The following RHBG variants were observed in gnomAD, a reference collection of about 807,000 sequenced individuals.
RHBG encodes ammonium transporter Rh type B.
RHBG carries 39 observed loss-of-function variants against 40.1 expected under a neutral mutation model. That is an observed-to-expected ratio of 0.97 (90% CI 0.75 to 1.27). The LOEUF (loss-of-function observed/expected upper bound fraction) is 1.27, where lower values mean the gene tolerates loss of function less well. Ranked by LOEUF, RHBG falls within the 50% of genes most tolerant of loss-of-function variation. The probability of loss-of-function intolerance (pLI) is 0.00; values close to 1 mark genes in which losing one functional copy is unlikely to be tolerated. For missense variants in RHBG, 549 were observed against 588.1 expected (o/e 0.93, Z 0.69); for synonymous variants, 237 against 252.5 (o/e 0.94, Z 0.58).
chr1:156,381,732 CTGTGG>C, intron 5 of RHBG, 69 bp from the exon 6 acceptor site: 1 of 1,521,908 alleles, frequency 6.6e-7, no homozygotes, highest in South Asian at 1.3e-5. Flanking sequence ...GTAGGTGTCA[CTGTGG>C]TGTGTAGGGT....
At chr1:156,379,777 G>A (rs1667489643) in intron 4 of RHBG, among the ~76,000 whole-genome samples, 2 of 152,156 alleles carry the variant, frequency 1.3e-5, no homozygotes, top group Admixed American at 6.5e-5. Flanking sequence ...CTCAGGACAC[G>A]GTGGTCCCTA....
intron 5 of RHBG, 121 bp downstream of exon 5, chr1:156,381,634 T>C: frequency 7.2e-7 from 1 of 1,385,934 alleles, no homozygotes; most frequent in Non-Finnish European, 9.8e-7. Flanking sequence ...AGGGGCTCCA[T>C]CTGTGCTGGT....
chr1:156,383,669 C>A (rs1469889630), intron 8 of RHBG, among the ~76,000 whole-genome samples: 1 of 151,810 alleles, frequency 6.6e-6, no homozygotes, highest in Admixed American at 6.6e-5. Context: ...TACAGGCACC[C>A]GCCACCATGC....
chr1:156,378,467 A>G (rs1033874519), intron 4 of RHBG, 68 bp downstream of exon 4: 51 of 1,505,282 alleles, frequency 3.4e-5, no homozygotes, highest in Non-Finnish European at 4.4e-5. Flanking sequence ...GCCAGAGGTG[A>G]CTGTCTCTCG....
chr1:156,371,537 A>G (rs573278956), intron 1 of RHBG: 1 of 163,720 alleles, frequency 6.1e-6, no homozygotes, highest in Non-Finnish European at 1.3e-5. Context: ...CAACAAAATG[A>G]AGCTCAAAAT....
intron 1 of RHBG, chr1:156,371,150 A>G (rs1221884839): frequency 4.2e-5 from 18 of 424,446 alleles, no homozygotes; most frequent in Non-Finnish European, 8.3e-5. Flanking sequence ...AGCTCTCATT[A>G]CCTTATTTTC....
chr1:156,381,372 G>A lies in RHBG; in HGVS notation c.699G>A (p.Trp233Ter), dbSNP rs1195035568. Reference protein sequence around the residue: ...MIGTIFLWIFWPSFNAALTAL... With the variant: ...MIGTIFLWIF The stretch of plus-strand genomic sequence containing the variant: ...GGACCATCTTCCTGTGGATCTTCTG[G>A]CCTAGCTTCAATGCTGCACTCACAG... The change falls in exon 5 of 10, where the codon TGG becomes TGA. Residue 233 changes from tryptophan to a stop codon, truncating the protein, a stop_gained. Coordinates refer to ENST00000537040, the MANE Select transcript of RHBG (RefSeq NM_020407.5). LOFTEE classifies it high-confidence loss of function. The A allele has an allele frequency of 1.9e-6, 3 of 1,613,982 alleles. No individual in the cohort carries two copies. Among genetic ancestry groups the A allele is most frequent in the Non-Finnish European group, 2.5e-6 (3 of 1,180,036 alleles).
At chr1:156,382,642 C>T (rs1004222524) in intron 7 of RHBG, 106 bp from the exon 8 acceptor site, 11 of 1,423,020 alleles carry the variant, frequency 7.7e-6, no homozygotes, top group African/African-American at 1.4e-5. Context: ...CTCTTGGCCA[C>T]TTCCTGTTCC....
intron 8 of RHBG, 132 bp from the exon 9 acceptor site, chr1:156,384,395 C>T (rs752300831): frequency 1.2e-6 from 1 of 813,686 alleles, no homozygotes; most frequent in Non-Finnish European, 2.2e-6. Flanking sequence ...ACAAATACTG[C>T]TGTGTTTTGC....
chr1:156,382,705 TC>T (rs781180433), intron 7 of RHBG, 42 bp from the exon 8 acceptor site: 2 of 1,611,012 alleles, frequency 1.2e-6, no homozygotes, highest in Non-Finnish European at 8.5e-7. Context: ...TGCATCCCTC[TC>T]TCTCCCTACC....
In RHBG at chr1:156,381,481, G is replaced by A. The variant is rs983860408; in HGVS notation, c.808G>A (p.Ala270Thr). The A allele has an allele frequency of 2.5e-6, 4 of 1,613,170 alleles. No individual in the cohort carries two copies. The East Asian group carries it at 6.7e-5, about 27-fold the overall frequency. ...ASTLGTFALS[A>T]LVGEDGRLDM... Reference sequence around the variant, plus strand: ...CACCCTTGGCACCTTTGCCTTGTCAGCCCTTGTAGGGGAAGATGGGAGGCT... The same window carrying A: ...CACCCTTGGCACCTTTGCCTTGTCAACCCTTGTAGGGGAAGATGGGAGGCT... Residue 270 changes from alanine to threonine, a missense_variant, in exon 5 of 10, where the codon GCC becomes ACC. Around this residue, in one of 3 missense-constraint regions of RHBG, gnomAD observed 399 missense variants for 417.0 expected, o/e 0.96. Coordinates refer to ENST00000537040, the MANE Select transcript of RHBG (RefSeq NM_020407.5).
chr1:156,379,765 T>C (rs1294719376), intron 4 of RHBG, among the ~76,000 whole-genome samples: 3 of 152,146 alleles, frequency 2.0e-5, no homozygotes, highest in South Asian at 2.1e-4. Flanking sequence ...CCCAACAGAC[T>C]ACTCAGGACA....
At chr1:156,373,562 C>T (rs1666993234) in intron 1 of RHBG, among the ~76,000 whole-genome samples, 1 of 152,180 alleles carries the variant, frequency 6.6e-6, no homozygotes, top group African/African-American at 2.4e-5. Context: ...GCTGGAACAT[C>T]CCCTCACCTC....
intron 5 of RHBG, 106 bp downstream of exon 5, chr1:156,381,619 G>A: frequency 7.0e-7 from 1 of 1,424,266 alleles, no homozygotes; most frequent in Non-Finnish European, 9.5e-7. Flanking sequence ...TAAGGGCACA[G>A]GCATAGGGGC....
At chr1:156,374,318 G>A (rs547875880) in intron 1 of RHBG, among the ~76,000 whole-genome samples, 10 of 152,244 alleles carry the variant, frequency 6.6e-5, no homozygotes, top group South Asian at 2.1e-4. Context: ...GTTGGGGATC[G>A]CTAGGTATAG....
chr1:156,369,586 C>T, intron 1 of RHBG, 150 bp downstream of exon 1: 3 of 823,600 alleles, frequency 3.6e-6, no homozygotes, highest in Non-Finnish European at 3.7e-6. Context: ...AAAATCTCAC[C>T]CTTTCACTAG....
intron 7 of RHBG, 86 bp from the exon 8 acceptor site, chr1:156,382,662 G>A: frequency 1.3e-6 from 2 of 1,529,154 alleles, no homozygotes; most frequent in Admixed American, 3.4e-5. Context: ...CCCAGTGTGA[G>A]TTCCAGTGCC....
rs1477745181 is a variant in RHBG, at chr1:156,382,181, C to G, written c.1092C>G (p.Thr364=). The change falls in exon 7 of 10, where the codon ACC becomes ACG. Residue 364 remains threonine (T), a synonymous_variant. Coordinates refer to ENST00000537040, the MANE Select transcript of RHBG (RefSeq NM_020407.5). ...LLGVLVAGLA[T]HEAYGDGLES... ...GGGTCCTTGTGGCTGGACTTGCCAC[C>G]CATGAAGCTTACGGAGATGGGTGAG... 1 of 1,613,988 alleles carries G rather than the reference C, an allele frequency of 6.2e-7. No individual in the cohort carries two copies. Among genetic ancestry groups the G allele is most frequent in the Non-Finnish European group, 8.5e-7 (1 of 1,180,044 alleles).
intron 4 of RHBG, among the ~76,000 whole-genome samples, chr1:156,379,094 A>G (rs1374211145): frequency 6.6e-6 from 1 of 151,422 alleles, no homozygotes; most frequent in Non-Finnish European, 1.5e-5. Flanking sequence ...TCCTGGGTTC[A>G]AGCAATTCTC....
Sources: gnomAD v4.1 joint callset for allele counts (sites outside exome capture counted in the v4.1 genomes callset) on GRCh38, gnomAD v4.1.1 for gene constraint, gnomAD v4.1.1 regional missense constraint, MANE v1.5 for transcripts, NCBI Gene and HGNC (gene_info 2026-07-23, HGNC 2026-07-21) for gene names.